KIAA0930: variants seen among roughly 807,000 people sequenced by gnomAD.
KIAA0930 encodes KIAA0930.
In KIAA0930, 24 loss-of-function variants were observed where a neutral mutation model predicts 43.9. The ratio of observed to expected loss-of-function variants is 0.55; its 90% confidence interval spans 0.40 to 0.77. KIAA0930 has a LOEUF of 0.77. Among genes scored for constraint, KIAA0930 ranks in the 30% least tolerant of loss-of-function variants. The probability of loss-of-function intolerance (pLI) is 0.00; values close to 1 mark genes in which losing one functional copy is unlikely to be tolerated. For synonymous variants in KIAA0930, 259 were observed against 216.4 expected (o/e 1.20, Z -1.73); for missense variants, 461 against 574.2 (o/e 0.80, Z 2.02).
chr22:45,211,997 G>A lies in KIAA0930; in HGVS notation c.175C>T (p.Leu59=). 6.2e-7 allele frequency: 1 copy of A among 1,613,422 alleles called. No homozygotes were observed. Among genetic ancestry groups the A allele is most frequent in the Non-Finnish European group, 8.5e-7 (1 of 1,180,042 alleles). The part of the protein sequence containing the change: ...DDMLFYVRRK[L]AYSGSESGAD... The stretch of plus-strand genomic sequence containing the variant: ...CCGCTTTCGCTGCCGGAGTACGCCA[G>A]CTTCCGGCGCACATAGAAAAGCATG... The change falls in exon 2 of 10, where the codon CTG becomes TTG. Residue 59 remains leucine (L), a synonymous_variant. Coordinates refer to ENST00000336156, the MANE Select transcript of KIAA0930 (RefSeq NM_001009880.2).
chr22:45,200,477 A>G (rs1376477839), intron 7 of KIAA0930, among the ~76,000 whole-genome samples: 1 of 152,014 alleles, frequency 6.6e-6, no homozygotes, highest in Non-Finnish European at 1.5e-5. Context: ...AGGGACCGAG[A>G]CCCTGGCTTG....
At position 45,192,715 on chromosome 22, in the gene KIAA0930, A is replaced by G. The variant is rs1275783286; in HGVS notation, c.*4461T>C. ...TGCTGAGCTCAAGGACTGGAAACGG[A>G]ATAAAAACGCCTACTCGCCTTAGGC... On this transcript the variant is annotated 3_prime_UTR_variant, in exon 10 of 10. Transcript: ENST00000336156. 2 of 152,156 alleles carry G rather than the reference A, an allele frequency of 1.3e-5. No individual in the cohort carries two copies. The highest frequency in any genetic ancestry group is 4.8e-5 in the African/African-American group (2 of 41,436). The allele number at this position is 152,156 out of a possible 1,614,324, so 9.4% of individuals were successfully genotyped here. A position where few individuals can be genotyped will look rare whatever the true frequency, so the allele number is the denominator to read the frequency against.
At chr22:45,211,454 C>T (rs1010694837) in intron 2 of KIAA0930, 27 of 400,712 alleles carry the variant, frequency 6.7e-5, no homozygotes, top group African/African-American at 4.1e-4. Flanking sequence ...GTAAGAACAC[C>T]CACCCTGTCG....
intron 1 of KIAA0930, among the ~76,000 whole-genome samples, chr22:45,212,805 C>T (rs1285146548): frequency 3.3e-5 from 5 of 152,214 alleles, no homozygotes; most frequent in South Asian, 2.1e-4. Flanking sequence ...TCCATTCCAG[C>T]GCTGCCGCTG....
chr22:45,219,682 C>T (rs2083756163), intron 1 of KIAA0930, among the ~76,000 whole-genome samples: 1 of 144,586 alleles, frequency 6.9e-6, no homozygotes, highest in African/African-American at 2.5e-5. Context: ...ACCTCCATTT[C>T]CTGGGCTCAA....
At chr22:45,223,116 C>G (rs1465328107) in intron 1 of KIAA0930, among the ~76,000 whole-genome samples, 1 of 152,190 alleles carries the variant, frequency 6.6e-6, no homozygotes, top group Non-Finnish European at 1.5e-5. Flanking sequence ...AGCATTACAG[C>G]ACTGTTGGCA....
chr22:45,232,688 C>T (rs1284643343), intron 1 of KIAA0930, among the ~76,000 whole-genome samples: 1 of 152,202 alleles, frequency 6.6e-6, no homozygotes, highest in African/African-American at 2.4e-5. Flanking sequence ...GCCCCCCTAC[C>T]TTGGGAGGGT....
chr22:45,233,681 G>A (rs1018573137), intron 1 of KIAA0930, among the ~76,000 whole-genome samples: 1 of 152,172 alleles, frequency 6.6e-6, no homozygotes, highest in African/African-American at 2.4e-5. Context: ...GGACAGCCGG[G>A]TTTGGGTGAT....
intron 2 of KIAA0930, 58 bp from the exon 3 acceptor site, chr22:45,205,970 C>A: frequency 6.3e-7 from 1 of 1,597,282 alleles, no homozygotes. Flanking sequence ...TCTTCTTCTT[C>A]CCTGACTACT....
intron 9 of KIAA0930, 104 bp downstream of exon 9, chr22:45,197,686 A>AGGACAGGGCGGGATGACTC: frequency 2.4e-6 from 3 of 1,249,840 alleles, no homozygotes; most frequent in Non-Finnish European, 3.4e-6. Context: ...ACCAACCGAC[A>AGGACAGGGCGGGATGACTC]GGACAGGGCG....
At chr22:45,239,590 C>CTGA (rs934086010) in intron 1 of KIAA0930, among the ~76,000 whole-genome samples, 2 of 152,160 alleles carry the variant, frequency 1.3e-5, no homozygotes, top group Non-Finnish European at 2.9e-5. Context: ...GTGTGGCCTG[C>CTGA]TGAGGGGCCC....
chr22:45,213,908 G>A (rs1457664785), intron 1 of KIAA0930, among the ~76,000 whole-genome samples: 1 of 152,174 alleles, frequency 6.6e-6, no homozygotes, highest in Non-Finnish European at 1.5e-5. Flanking sequence ...TACTCGAGAG[G>A]CTGAGGTGGG....
Position 45,203,715 on chromosome 22 carries a change from C to T in KIAA0930, c.657+130G>A, listed in dbSNP as rs1048169973. ...AGCGCCTAGAAGGAGCCCGGAGGGG[C>T]TGCAGGTACCCCTGGCGGCCGCTAC... On this transcript the variant is annotated intron_variant, in intron 6 of 9. Transcript: ENST00000336156. 1.4e-4 allele frequency: 141 copies of T among 1,009,380 alleles called. 3 individuals are homozygous for T. The Middle Eastern group carries it at 3.1e-3, about 22-fold the overall frequency. 62.5% of individuals were successfully genotyped at this position (1,009,380 alleles called of 1,614,324 possible).
rs202042652 is a variant in KIAA0930, at chr22:45,229,425, G to A, written c.64+11215C>T. Among the ~76,000 whole-genome samples the A allele has an allele frequency of 8.5e-5, 9 of 105,532 alleles. No individual in the cohort carries two copies. In the East Asian group the frequency reaches 2.2e-3, roughly 26 times the overall value. 69.2% of individuals were successfully genotyped at this position (105,532 alleles called of 152,430 possible). ...CCCAGGGGCCTGCGCCCAGGCATCC[G>A]TCTCTGAGCTGGTGCGAGGGATGAA... is the stretch of plus-strand genomic sequence containing the variant. On this transcript the variant is annotated intron_variant, in intron 1 of 9. Transcript: ENST00000336156.
chr22:45,197,780 C>T lies in KIAA0930; in HGVS notation c.1174+10G>A, dbSNP rs55790105. On this transcript the variant is annotated intron_variant, in intron 9 of 9. Transcript: ENST00000336156. ...AGGTGCGGCTGCTTCCCCACATCCG[C>T]CAGCATTACCTGTTAAAATCCGATG... The T allele has an allele frequency of 0.16, 259,174 of 1,613,102 alleles. 22,471 individuals are homozygous for T. Among genetic ancestry groups the T allele is most frequent in the Non-Finnish European group, 0.18 (213,645 of 1,179,164 alleles).
At chr22:45,230,252 G>A (rs1339507822) in intron 1 of KIAA0930, among the ~76,000 whole-genome samples, 4 of 152,188 alleles carry the variant, frequency 2.6e-5, no homozygotes, top group Non-Finnish European at 5.9e-5. Flanking sequence ...AGCGAGTCAC[G>A]TCTTGGTCAG....
chr22:45,211,099 G>C (rs1897345342), intron 2 of KIAA0930, among the ~76,000 whole-genome samples: 1 of 152,104 alleles, frequency 6.6e-6, no homozygotes, highest in Admixed American at 6.5e-5. Context: ...GTGTGTTCAG[G>C]CTCAGAAAAT....
chr22:45,221,947 T>G (rs147114978), intron 1 of KIAA0930, among the ~76,000 whole-genome samples: 3,099 of 152,334 alleles, frequency 0.02, 104 homozygotes, highest in African/African-American at 0.071. Context: ...GTGACCAGAC[T>G]GGTCTCAAAC....
intron 7 of KIAA0930, chr22:45,200,934 A>G (rs1454622235): frequency 4.1e-6 from 2 of 488,602 alleles, no homozygotes; most frequent in South Asian, 3.0e-5. Context: ...CTGGGTCTTG[A>G]AGGACGAGTA....
Sources: allele counts gnomAD v4.1 joint callset (sites outside exome capture counted in the v4.1 genomes callset), GRCh38; gene constraint gnomAD v4.1.1; transcripts MANE v1.5; gene names NCBI Gene and HGNC (gene_info 2026-07-23, HGNC 2026-07-21).